Variants in RAB43 observed in about 807,000 individuals in gnomAD.
RAB43 encodes the protein ras-related protein Rab-43.
A neutral mutation model predicts 18.8 loss-of-function variants in RAB43; 6 were observed. The ratio of observed to expected loss-of-function variants is 0.32; its 90% CI spans 0.17 to 0.63. The LOEUF is 0.63. Among genes scored for constraint, RAB43 ranks in the 30% least tolerant of loss-of-function variants. The pLI is 0.79. For synonymous variants in RAB43, 103 were observed against 124.1 expected, an observed-to-expected ratio of 0.83 and a Z score of 1.13; for missense variants, 195 against 289.1, an observed-to-expected ratio of 0.67 and a Z score of 2.36.
intron 1 of RAB43, among the ~76,000 whole-genome samples, chr3:129,104,766 C>A (rs947418868): frequency 6.6e-6 from 1 of 152,222 alleles, no homozygotes; most frequent in Admixed American, 6.5e-5. Flanking sequence ...GCTTATACTA[C>A]GCTCTGAGTC....
At chr3:129,117,194 TG>T (rs2107583243) in intron 1 of RAB43, among the ~76,000 whole-genome samples, 1 of 152,354 alleles carries the variant, frequency 6.6e-6, no homozygotes, top group African/African-American at 2.4e-5. Context: ...ACCATGTGAA[TG>T]GTTTATCTAT....
At chr3:129,119,862 T>A (rs531800819) in intron 1 of RAB43, among the ~76,000 whole-genome samples, 1 of 152,196 alleles carries the variant, frequency 6.6e-6, no homozygotes, top group East Asian at 1.9e-4. Context: ...CGATAGCACA[T>A]GAGGAGGACA....
At chr3:129,121,247 C>G in intron 1 of RAB43, 39 bp downstream of exon 1, 1 of 1,539,952 alleles carries the variant, frequency 6.5e-7, no homozygotes, top group Non-Finnish European at 8.8e-7. Context: ...CCCCACCCTC[C>G]GAGGGAGCGC....
intron 1 of RAB43, among the ~76,000 whole-genome samples, chr3:129,100,909 C>T (rs1463868727): frequency 2.6e-5 from 4 of 152,204 alleles, no homozygotes; most frequent in Admixed American, 6.5e-5. Flanking sequence ...CAGGTTGAAG[C>T]GATTCTCCTG....
At chr3:129,117,587 T>G (rs1184064851) in intron 1 of RAB43, among the ~76,000 whole-genome samples, 1 of 152,264 alleles carries the variant, frequency 6.6e-6, no homozygotes, top group South Asian at 2.1e-4. Flanking sequence ...ACGTTTTGGT[T>G]AATAATAAAC....
chr3:129,113,166 TA>T (rs201772396), intron 1 of RAB43, among the ~76,000 whole-genome samples: 83 of 148,084 alleles, frequency 5.6e-4, no homozygotes, highest in African/African-American at 1.0e-3. Context: ...TTATTATTAT[TA>T]TTATTTTTTT....
intron 1 of RAB43, among the ~76,000 whole-genome samples, chr3:129,121,073 C>T (rs1025135038): frequency 6.8e-6 from 1 of 147,234 alleles, no homozygotes; most frequent in African/African-American, 2.5e-5. Context: ...CCCTCGCCCC[C>T]CCCCCCCCCA....
intron 1 of RAB43, among the ~76,000 whole-genome samples, chr3:129,098,486 A>G (rs1934199266): frequency 6.6e-6 from 1 of 152,220 alleles, no homozygotes; most frequent in Non-Finnish European, 1.5e-5. Flanking sequence ...TATCAACCAC[A>G]ATTTCCATAT....
intron 1 of RAB43, among the ~76,000 whole-genome samples, chr3:129,120,580 A>G (rs1168460499): frequency 6.6e-6 from 1 of 151,760 alleles, no homozygotes; most frequent in Non-Finnish European, 1.5e-5. Flanking sequence ...CATTGTGGCA[A>G]CCACATCCTG....
intron 2 of RAB43, 58 bp downstream of exon 2, chr3:129,094,928 G>T: frequency 6.4e-7 from 1 of 1,567,682 alleles, no homozygotes. Flanking sequence ...AAAAAGCAGA[G>T]GGAGGCATGG....
chr3:129,120,561 C>G (rs1935836596), intron 1 of RAB43, among the ~76,000 whole-genome samples: 1 of 152,206 alleles, frequency 6.6e-6, no homozygotes, highest in African/African-American at 2.4e-5. Flanking sequence ...TATCAAACCA[C>G]TGCCAGGACA....
chr3:129,110,453 G>A (rs1449320122), intron 1 of RAB43, among the ~76,000 whole-genome samples: 3 of 152,186 alleles, frequency 2.0e-5, no homozygotes, highest in African/African-American at 7.2e-5. Flanking sequence ...GTGGAAGGAA[G>A]CAAACAGTAA....
intron 1 of RAB43, among the ~76,000 whole-genome samples, chr3:129,106,579 G>A (rs1319549293): frequency 6.6e-6 from 1 of 152,218 alleles, no homozygotes; most frequent in Non-Finnish European, 1.5e-5. Context: ...GACACAGCCT[G>A]CCACCATCTG....
At chr3:129,111,608 C>G (rs1000268835) in intron 1 of RAB43, among the ~76,000 whole-genome samples, 4 of 151,516 alleles carry the variant, frequency 2.6e-5, no homozygotes, top group African/African-American at 4.8e-5. Flanking sequence ...CTCTCCCACT[C>G]ATGCAGCCAA....
chr3:129,102,004 C>T (rs1289882045), intron 1 of RAB43, among the ~76,000 whole-genome samples: 5 of 152,192 alleles, frequency 3.3e-5, no homozygotes, highest in Non-Finnish European at 5.9e-5. Context: ...GGAGGCCTGC[C>T]GGAAAGCACT....
intron 1 of RAB43, among the ~76,000 whole-genome samples, chr3:129,119,544 C>A (rs1935771029): frequency 6.6e-6 from 1 of 152,182 alleles, no homozygotes; most frequent in African/African-American, 2.4e-5. Context: ...AGAGAATGCA[C>A]CTGTAACCCA....
chr3:129,119,836 C>A (rs2107587581), intron 1 of RAB43, among the ~76,000 whole-genome samples: 1 of 152,324 alleles, frequency 6.6e-6, no homozygotes, highest in East Asian at 1.9e-4. Context: ...CCACCACAGA[C>A]ACTCCAGACA....
At chr3:129,109,096 T>A (rs909334346) in intron 1 of RAB43, among the ~76,000 whole-genome samples, 2 of 150,522 alleles carry the variant, frequency 1.3e-5, no homozygotes, top group Non-Finnish European at 2.9e-5. Context: ...CTTGTACTGA[T>A]CTGTAAATTA....
chr3:129,097,129 GA>G (rs1158910793), intron 1 of RAB43, among the ~76,000 whole-genome samples: 1 of 151,918 alleles, frequency 6.6e-6, no homozygotes, highest in Non-Finnish European at 1.5e-5. Context: ...AAAAAGAAAA[GA>G]AAAGAAAAGA....
Sources: allele counts gnomAD v4.1 joint callset (sites outside exome capture counted in the v4.1 genomes callset), GRCh38; gene constraint gnomAD v4.1.1; transcripts MANE v1.5; gene names NCBI Gene and HGNC (gene_info 2026-07-23, HGNC 2026-07-21).